Variants in TRDN observed in about 807,000 individuals in gnomAD.
TRDN encodes triadin in skeletal muscle.
Under a neutral mutation model 149.7 loss-of-function variants are expected in TRDN, and 161 were observed. The observed-to-expected ratio is 1.08, with a 90% CI of 0.95 to 1.23. The LOEUF (loss-of-function observed/expected upper bound fraction) is 1.23. Among genes scored for constraint, TRDN ranks in the 50% most tolerant of loss-of-function variants. TRDN has a pLI of 0.00. For synonymous variants in TRDN, 294 were observed against 250.5 expected, an observed-to-expected ratio of 1.17 and a Z score of -1.64; for missense variants, 896 against 823.5, an observed-to-expected ratio of 1.09 and a Z score of -1.08.
chr6:123,284,974 A>G (rs2114639198), intron 24 of TRDN, among the ~76,000 whole-genome samples: 1 of 152,230 alleles, frequency 6.6e-6, no homozygotes, highest in African/African-American at 2.4e-5. Context: ...AAACACCTCT[A>G]CAAGGAAAAC....
intron 29 of TRDN, 29 bp from the exon 30 acceptor site, chr6:123,271,215 T>C: frequency 1.3e-6 from 2 of 1,483,536 alleles, no homozygotes; most frequent in Non-Finnish European, 1.8e-6. Context: ...TTAACACAAG[T>C]AGGAAATTTG....
At chr6:123,528,833 A>T (rs1349201294) in intron 5 of TRDN, 2 of 1,002,598 alleles carry the variant, frequency 2.0e-6, no homozygotes, top group African/African-American at 3.5e-5. Context: ...GCTCTCTCTG[A>T]TTTCCAGCTC....
At chr6:123,575,069 T>A (rs35922405) in intron 1 of TRDN, among the ~76,000 whole-genome samples, 1 of 151,684 alleles carries the variant, frequency 6.6e-6, no homozygotes. Context: ...TTTAAATAGA[T>A]GAAAATGATA....
chr6:123,295,168 G>A (rs1050807006), intron 24 of TRDN, among the ~76,000 whole-genome samples: 2 of 152,116 alleles, frequency 1.3e-5, no homozygotes, highest in African/African-American at 4.8e-5. Context: ...CCCTTGCCAT[G>A]ACAACACCCA....
intron 38 of TRDN, among the ~76,000 whole-genome samples, chr6:123,248,604 C>T (rs903486356): frequency 6.6e-6 from 1 of 151,648 alleles, no homozygotes; most frequent in Non-Finnish European, 1.5e-5. Flanking sequence ...CAACTACATG[C>T]TAATTAACTG....
chr6:123,553,298 G>A (rs555271694), intron 2 of TRDN, among the ~76,000 whole-genome samples: 169 of 152,070 alleles, frequency 1.1e-3, no homozygotes, highest in African/African-American at 3.9e-3. Flanking sequence ...ACTGCATAGC[G>A]CTCAAACCCA....
intron 24 of TRDN, among the ~76,000 whole-genome samples, chr6:123,283,297 G>A (rs1484060434): frequency 6.6e-6 from 1 of 151,634 alleles, no homozygotes; most frequent in African/African-American, 2.4e-5. Context: ...CTATCAAAAA[G>A]TCTGTGACAC....
chr6:123,414,431 G>A (rs1241832144), intron 12 of TRDN, among the ~76,000 whole-genome samples: 1 of 152,092 alleles, frequency 6.6e-6, no homozygotes, highest in Non-Finnish European at 1.5e-5. Flanking sequence ...GCTGTCCATG[G>A]AATATATTGG....
At chr6:123,441,550 A>G (rs1933894) in intron 10 of TRDN, among the ~76,000 whole-genome samples, 22,099 of 152,114 alleles carry the variant, frequency 0.15, 2,203 homozygotes, top group African/African-American at 0.29. Flanking sequence ...GTGGTTGGGA[A>G]AGAAATCTTC....
rs1157133 is a variant in TRDN at position 123,337,526 on chromosome 6, T to C, written c.1420+93A>G. 0.29 allele frequency: 139,363 copies of C among 487,910 alleles called. 21,240 individuals carry two copies. Among genetic ancestry groups the C allele is most frequent in the South Asian group, 0.31 (6,105 of 19,434 alleles). 30.2% of individuals were successfully genotyped at this position (487,910 alleles called of 1,614,324 possible). On this transcript the variant is annotated intron_variant, in intron 22 of 40. Coordinates refer to ENST00000334268, the MANE Select transcript of TRDN (RefSeq NM_006073.4). Reference sequence around the variant, plus strand: ...GTGACCTCTGCAGTTCTGGTTTACATATTTGCAAAGGGGATGCAGCTAATG... The same window carrying C: ...GTGACCTCTGCAGTTCTGGTTTACACATTTGCAAAGGGGATGCAGCTAATG...
chr6:123,324,507 G>C (rs1294335350), intron 23 of TRDN, among the ~76,000 whole-genome samples: 1 of 152,006 alleles, frequency 6.6e-6, no homozygotes, highest in Non-Finnish European at 1.5e-5. Context: ...CCTTCAAGGA[G>C]AGAAGCATAT....
chr6:123,576,804 GA>G (rs1782880860), intron 1 of TRDN, among the ~76,000 whole-genome samples: 2 of 152,006 alleles, frequency 1.3e-5, no homozygotes, highest in African/African-American at 4.8e-5. Context: ...CCCACCACTA[GA>G]AAAAGAAATT....
chr6:123,395,317 C>T (rs780972442), intron 12 of TRDN, among the ~76,000 whole-genome samples: 1 of 152,082 alleles, frequency 6.6e-6, no homozygotes, highest in Non-Finnish European at 1.5e-5. Flanking sequence ...TTATGTAGTG[C>T]TTTTCCTAGG....
intron 8 of TRDN, chr6:123,501,724 A>T: frequency 1.8e-6 from 1 of 557,810 alleles, no homozygotes; most frequent in Non-Finnish European, 2.3e-6. Context: ...AGCTGATAAA[A>T]TCACATTTGT....
At chr6:123,301,600 T>A (rs913625420) in intron 24 of TRDN, among the ~76,000 whole-genome samples, 4 of 151,472 alleles carry the variant, frequency 2.6e-5, no homozygotes, top group African/African-American at 7.3e-5. Flanking sequence ...TAGTTATTTT[T>A]AAATTTTCCA....
chr6:123,354,136 A>G (rs1780570370), intron 20 of TRDN, among the ~76,000 whole-genome samples: 1 of 151,810 alleles, frequency 6.6e-6, no homozygotes, highest in South Asian at 2.1e-4. Context: ...TGAAATTATC[A>G]AATTCCCTTG....
At chr6:123,267,215 T>G (rs1435986966) in intron 32 of TRDN, among the ~76,000 whole-genome samples, 1 of 151,824 alleles carries the variant, frequency 6.6e-6, no homozygotes, top group African/African-American at 2.4e-5. Context: ...GCTTCCTATA[T>G]GCCTCAGTGT....
At chr6:123,521,454 G>A (rs1352610933) in intron 5 of TRDN, among the ~76,000 whole-genome samples, 2 of 151,972 alleles carry the variant, frequency 1.3e-5, no homozygotes, top group Non-Finnish European at 2.9e-5. Flanking sequence ...TGAAGATGAA[G>A]GCAGGAATTG....
intron 21 of TRDN, chr6:123,350,655 G>T (rs1216074506): frequency 4.0e-6 from 3 of 754,952 alleles, no homozygotes; most frequent in Admixed American, 6.3e-5. Flanking sequence ...TCAGTTATTA[G>T]TAATAGATAT....
Sources: gnomAD v4.1 joint callset for allele counts (sites outside exome capture counted in the v4.1 genomes callset) on GRCh38, gnomAD v4.1.1 for gene constraint, MANE v1.5 for transcripts, NCBI Gene and HGNC (gene_info 2026-07-23, HGNC 2026-07-21) for gene names.